The following MGAT4C variants were observed in gnomAD, a reference collection of about 807,000 sequenced individuals.
The protein encoded by MGAT4C is MGAT4 family member C.
A neutral mutation model predicts 40.1 loss-of-function variants in MGAT4C; 19 were observed. The observed-to-expected ratio is 0.47, with a 90% CI of 0.33 to 0.70. The LOEUF (loss-of-function observed/expected upper bound fraction) is 0.70. MGAT4C is among the 30% of genes least tolerant of loss of function. The probability of loss-of-function intolerance (pLI) is 0.02; values close to 1 mark genes in which losing one functional copy is unlikely to be tolerated. For synonymous variants in MGAT4C, 181 were observed against 187.1 expected, an observed-to-expected ratio of 0.97 and a Z score of 0.27; for missense variants, 491 against 563.2, an observed-to-expected ratio of 0.87 and a Z score of 1.30.
intron 1 of MGAT4C, among the ~76,000 whole-genome samples, chr12:86,087,444 A>G (rs916582170): frequency 2.6e-5 from 4 of 152,092 alleles, no homozygotes; most frequent in African/African-American, 4.8e-5. Flanking sequence ...CATATAGTCT[A>G]TAAGTAATGA....
At chr12:86,740,017 T>G (rs1419871519) in intron 1 of MGAT4C, among the ~76,000 whole-genome samples, 2 of 151,018 alleles carry the variant, frequency 1.3e-5, no homozygotes, top group Non-Finnish European at 3.0e-5. Flanking sequence ...TACTCCATTT[T>G]TATCCCCAAG....
intron 1 of MGAT4C, among the ~76,000 whole-genome samples, chr12:86,768,985 A>C (rs1338543628): frequency 6.6e-6 from 1 of 151,924 alleles, no homozygotes; most frequent in East Asian, 1.9e-4. Context: ...AAAACACCAA[A>C]AGCAATGGCA....
At chr12:86,299,617 AC>A (rs760489038) in intron 4 of MGAT4C, among the ~76,000 whole-genome samples, 26 of 152,200 alleles carry the variant, frequency 1.7e-4, no homozygotes, top group Non-Finnish European at 3.5e-4. Flanking sequence ...ACATTCATGA[AC>A]TTGATACAGC....
At chr12:86,635,976 C>G (rs1565896991) in intron 2 of MGAT4C, among the ~76,000 whole-genome samples, 1 of 151,916 alleles carries the variant, frequency 6.6e-6, no homozygotes, top group Non-Finnish European at 1.5e-5. Flanking sequence ...GCCACCATAC[C>G]CTGTTCCTTT....
At chr12:86,793,770 C>T (rs1340441294) in intron 1 of MGAT4C, among the ~76,000 whole-genome samples, 1 of 151,870 alleles carries the variant, frequency 6.6e-6, no homozygotes, top group Non-Finnish European at 1.5e-5. Context: ...AAATTGTGAA[C>T]AATAAATGAT....
chr12:86,637,429 C>T (rs974513585), intron 2 of MGAT4C, among the ~76,000 whole-genome samples: 3 of 151,710 alleles, frequency 2.0e-5, no homozygotes, highest in African/African-American at 7.3e-5. Flanking sequence ...GAGTGAATAC[C>T]CAGGATTATT....
At chr12:86,740,004 G>A (rs1482896403) in intron 1 of MGAT4C, among the ~76,000 whole-genome samples, 1 of 150,818 alleles carries the variant, frequency 6.6e-6, no homozygotes, top group African/African-American at 2.4e-5. Flanking sequence ...CAAGGATGCT[G>A]AGTACTCCAT....
At position 86,306,160 on chromosome 12, in the gene MGAT4C, T is replaced by C. The variant is rs190338449; in HGVS notation, c.-57+27905A>G. Among the ~76,000 whole-genome samples the C allele has an allele frequency of 3.3e-4, 50 of 150,458 alleles. 4 individuals carry two copies. The highest frequency in any genetic ancestry group is 1.2e-3 in the African/African-American group (49 of 39,948). On this transcript the variant is annotated intron_variant, in intron 4 of 7. Transcript: ENST00000548651. Reference sequence around the variant, plus strand: ...TTGAGAAAAAGATCTGGCAGTGTCCTATAAACCTCAAGATTCACCTCTTAT... The same window carrying C: ...TTGAGAAAAAGATCTGGCAGTGTCCCATAAACCTCAAGATTCACCTCTTAT...
intron 2 of MGAT4C, among the ~76,000 whole-genome samples, chr12:86,682,164 A>T (rs1414417429): frequency 6.6e-6 from 1 of 152,100 alleles, no homozygotes; most frequent in African/African-American, 2.4e-5. Flanking sequence ...TGAAACAACC[A>T]TTATGAGCAA....
intron 1 of MGAT4C, among the ~76,000 whole-genome samples, chr12:86,151,787 C>G (rs1188262129): frequency 6.6e-6 from 1 of 152,252 alleles, no homozygotes; most frequent in Non-Finnish European, 1.5e-5. Context: ...GAGCATGGCT[C>G]ATAGTCATGG....
chr12:86,532,933 T>C (rs572683099), intron 2 of MGAT4C, among the ~76,000 whole-genome samples: 13 of 152,166 alleles, frequency 8.5e-5, no homozygotes, highest in African/African-American at 3.1e-4. Flanking sequence ...ACAGAGACGA[T>C]TTATTATATT....
intron 2 of MGAT4C, among the ~76,000 whole-genome samples, chr12:86,643,063 A>G (rs1334715816): frequency 2.0e-5 from 3 of 151,774 alleles, no homozygotes; most frequent in Non-Finnish European, 2.9e-5. Context: ...GCAGAATACT[A>G]TATACTAGGT....
intron 2 of MGAT4C, among the ~76,000 whole-genome samples, chr12:86,722,974 TATTA>T (rs762083836): frequency 2.6e-5 from 4 of 152,204 alleles, no homozygotes; most frequent in African/African-American, 4.8e-5. Flanking sequence ...GGTGTCGTCC[TATTA>T]ATTATTTGTG....
intron 1 of MGAT4C, among the ~76,000 whole-genome samples, chr12:86,178,015 C>A (rs1252123724): frequency 2.6e-5 from 4 of 152,146 alleles, no homozygotes; most frequent in Non-Finnish European, 4.4e-5. Flanking sequence ...TGGCTCACTG[C>A]AAGCTCCGCC....
At chr12:86,199,979 G>T (rs75732636) in intron 1 of MGAT4C, among the ~76,000 whole-genome samples, 3,913 of 152,006 alleles carry the variant, frequency 0.026, 70 homozygotes, top group Middle Eastern at 0.068. Flanking sequence ...TCAGAATATA[G>T]AACATTTCCA....
At chr12:86,785,662 TATC>T (rs1216590039) in intron 1 of MGAT4C, among the ~76,000 whole-genome samples, 1 of 151,832 alleles carries the variant, frequency 6.6e-6, no homozygotes, top group Non-Finnish European at 1.5e-5. Context: ...TAAAAGGTAT[TATC>T]ATTTCAGTGT....
intron 1 of MGAT4C, among the ~76,000 whole-genome samples, chr12:86,181,549 A>C (rs1401962462): frequency 1.3e-5 from 2 of 152,214 alleles, no homozygotes; most frequent in Non-Finnish European, 2.9e-5. Context: ...GAAATGATGA[A>C]TGCTCAAGGA....
At chr12:86,360,671 A>C (rs1955442280) in intron 3 of MGAT4C, among the ~76,000 whole-genome samples, 1 of 152,212 alleles carries the variant, frequency 6.6e-6, no homozygotes. Context: ...CAAAAATCAC[A>C]AACATTCCTA....
chr12:86,307,778 C>T (rs1014689946), intron 4 of MGAT4C, among the ~76,000 whole-genome samples: 1 of 150,202 alleles, frequency 6.7e-6, no homozygotes, highest in Non-Finnish European at 1.5e-5. Context: ...TCTCGGCTCG[C>T]TGCAAGCTCC....
Sources: allele counts gnomAD v4.1 joint callset (sites outside exome capture counted in the v4.1 genomes callset), GRCh38; gene constraint gnomAD v4.1.1; transcripts MANE v1.5; gene names NCBI Gene and HGNC (gene_info 2026-07-23, HGNC 2026-07-21).